KIF26B: variants seen among roughly 807,000 people sequenced by gnomAD.
KIF26B encodes the protein kinesin family member 26B.
In KIF26B, 63 loss-of-function variants were observed where a neutral mutation model predicts 151.2. The observed-to-expected ratio is 0.42, with a 90% CI of 0.34 to 0.51. The LOEUF (loss-of-function observed/expected upper bound fraction) is 0.51, where lower values mean the gene tolerates loss of function less well. Ranked by LOEUF, KIF26B falls within the 20% of genes least tolerant of loss-of-function variation. The pLI is 0.07. For synonymous variants in KIF26B, 1,357 were observed against 1,262.1 expected (o/e 1.08, Z -1.59); for missense variants, 2,813 against 2,913.6 (o/e 0.97, Z 0.79).
At chr1:245,528,386 G>A (rs1477976889) in intron 4 of KIF26B, among the ~76,000 whole-genome samples, 1 of 152,190 alleles carries the variant, frequency 6.6e-6, no homozygotes, top group Non-Finnish European at 1.5e-5. Flanking sequence ...AGGATAGTGT[G>A]AGGGATCCTG....
chr1:245,474,370 A>G lies in KIF26B; in HGVS notation c.1166+54625A>G, dbSNP rs543044417. Among the ~76,000 whole-genome samples, 50 of 149,264 alleles carry G rather than the reference A, an allele frequency of 3.3e-4. 2 individuals carry two copies. The highest frequency in any genetic ancestry group is 3.7e-3 in the Middle Eastern group (1 of 272). The stretch of plus-strand genomic sequence containing the variant: ...TGATCCACCTGCCTCAGCCTCCCAA[A>G]GTGCTGGGATTACAGGCGTGAGCCA... On this transcript the variant is annotated intron_variant, in intron 4 of 14. Transcript: ENST00000407071.
chr1:245,302,988 C>CAAAAAAAAAAAAAAAAAA (rs74163037), intron 2 of KIF26B, among the ~76,000 whole-genome samples: 2 of 35,824 alleles, frequency 5.6e-5, no homozygotes, highest in African/African-American at 2.3e-4. Flanking sequence ...GACTCTGTCT[C>CAAAAAAAAAAAAAAAAAA]AAAAAAAAAA....
intron 2 of KIF26B, among the ~76,000 whole-genome samples, chr1:245,307,842 G>C (rs539544574): frequency 6.6e-6 from 1 of 151,646 alleles, no homozygotes; most frequent in South Asian, 2.1e-4. Flanking sequence ...CCGGGTTCAC[G>C]CAATTCTCCT....
At chr1:245,499,997 G>A (rs114260250) in intron 4 of KIF26B, among the ~76,000 whole-genome samples, 1,749 of 152,296 alleles carry the variant, frequency 0.011, 13 homozygotes, top group Non-Finnish European at 0.019. Context: ...CTTCCAATGC[G>A]CACTTTGTTT....
chr1:245,397,766 T>A (rs1673883217), intron 3 of KIF26B, among the ~76,000 whole-genome samples: 3 of 152,154 alleles, frequency 2.0e-5, no homozygotes, highest in African/African-American at 7.2e-5. Context: ...TGAGACACTG[T>A]AGTTTGGAAG....
chr1:245,266,221 C>T (rs955471496), intron 2 of KIF26B, among the ~76,000 whole-genome samples: 4 of 151,808 alleles, frequency 2.6e-5, no homozygotes, highest in African/African-American at 9.7e-5. Context: ...ATTTAGGAAC[C>T]CCAAATTAAA....
At chr1:245,172,189 C>T (rs955030477) in intron 2 of KIF26B, among the ~76,000 whole-genome samples, 1 of 152,004 alleles carries the variant, frequency 6.6e-6, no homozygotes, top group African/African-American at 2.4e-5. Flanking sequence ...AGACGCAGCC[C>T]TTGCCCTCAA....
intron 2 of KIF26B, among the ~76,000 whole-genome samples, chr1:245,269,631 A>T (rs555120858): frequency 3.2e-4 from 48 of 151,472 alleles, no homozygotes; most frequent in African/African-American, 1.1e-3. Context: ...CGCCAAGCTA[A>T]TTTTTGTATT....
rs138388449 is a variant in KIF26B, at chr1:245,427,480, C to T, written c.1166+7735C>T. 2.1e-3 allele frequency among the ~76,000 whole-genome samples: 316 copies of T among 152,176 alleles called. 2 individuals carry two copies. The highest frequency in any genetic ancestry group is 7.1e-3 in the African/African-American group (295 of 41,534). On this transcript the variant is annotated intron_variant, in intron 4 of 14. Coordinates refer to ENST00000407071, the MANE Select transcript of KIF26B (RefSeq NM_018012.4). Reference sequence around the variant, plus strand: ...AAAATTAGCCAGGCATGGTGGTGCACGCCTGTAATCCCGTCTACTTGGGAG... The same window carrying T: ...AAAATTAGCCAGGCATGGTGGTGCATGCCTGTAATCCCGTCTACTTGGGAG...
intron 9 of KIF26B, among the ~76,000 whole-genome samples, chr1:245,631,886 T>A (rs911354821): frequency 1.3e-5 from 2 of 152,162 alleles, no homozygotes; most frequent in African/African-American, 4.8e-5. Context: ...AAGACTCTAA[T>A]CATTTGTATT....
intron 5 of KIF26B, among the ~76,000 whole-genome samples, chr1:245,570,059 C>T (rs1194222167): frequency 4.7e-5 from 7 of 150,292 alleles, no homozygotes; most frequent in African/African-American, 9.8e-5. Context: ...CCTCAGCCTC[C>T]GGAGTAGCTG....
chr1:245,445,602 A>G (rs1473475287), intron 4 of KIF26B, among the ~76,000 whole-genome samples: 1 of 152,194 alleles, frequency 6.6e-6, no homozygotes, highest in Non-Finnish European at 1.5e-5. Flanking sequence ...CTATTTTTGT[A>G]TATGTTTAAA....
At chr1:245,565,857 G>A (rs1159374361) in intron 5 of KIF26B, among the ~76,000 whole-genome samples, 1 of 152,242 alleles carries the variant, frequency 6.6e-6, no homozygotes. Flanking sequence ...CAGCTGTACA[G>A]GAAGCATGGT....
chr1:245,585,534 A>AG (rs1412825883), intron 5 of KIF26B, among the ~76,000 whole-genome samples: 2 of 149,298 alleles, frequency 1.3e-5, no homozygotes, highest in African/African-American at 4.9e-5. Flanking sequence ...CCACTAGGGA[A>AG]AAAAAAAAAA....
chr1:245,480,099 C>CCAAA (rs71563751), intron 4 of KIF26B, among the ~76,000 whole-genome samples: 26,171 of 150,602 alleles, frequency 0.17, 2,615 homozygotes, highest in East Asian at 0.26. Flanking sequence ...CCCTGTCTCT[C>CCAAA]CAAACAAACA....
At chr1:245,521,300 G>A (rs1397117977) in intron 4 of KIF26B, among the ~76,000 whole-genome samples, 3 of 150,714 alleles carry the variant, frequency 2.0e-5, no homozygotes, top group South Asian at 2.1e-4. Flanking sequence ...TCGCACCACT[G>A]CACTCCATCC....
chr1:245,511,115 G>A, intron 4 of KIF26B: 1 of 717,444 alleles, frequency 1.4e-6, no homozygotes, highest in Non-Finnish European at 2.6e-6. Context: ...AATGATGATG[G>A]ATTGGAAAGC....
Position 245,248,994 on chromosome 1 carries a change from C to T in KIF26B, c.465+92311C>T, listed in dbSNP as rs377561387. ...TTTAGAGAGAGGTTTGAAATAAGAA[C>T]AAAGAAAGTGAGTTCGCTTTAGCTG... On this transcript the variant is annotated intron_variant, in intron 2 of 14. Coordinates refer to ENST00000407071, the MANE Select transcript of KIF26B (RefSeq NM_018012.4). 1.7e-4 allele frequency among the ~76,000 whole-genome samples: 26 copies of T among 152,252 alleles called. 1 individual carries two copies. The highest frequency in any genetic ancestry group is 5.5e-4 in the African/African-American group (23 of 41,540).
intron 9 of KIF26B, among the ~76,000 whole-genome samples, chr1:245,631,508 T>C (rs1464416684): frequency 2.0e-5 from 3 of 152,166 alleles, no homozygotes; most frequent in East Asian, 1.9e-4. Flanking sequence ...TATTGGTGTG[T>C]TGTTAGATTT....
Sources: allele counts gnomAD v4.1 joint callset (sites outside exome capture counted in the v4.1 genomes callset), GRCh38; gene constraint gnomAD v4.1.1; transcripts MANE v1.5; gene names NCBI Gene and HGNC (gene_info 2026-07-23, HGNC 2026-07-21).